The following RABGAP1L variants were observed in gnomAD, a reference collection of about 807,000 sequenced individuals.
RABGAP1L encodes rab GTPase-activating protein 1-like.
RABGAP1L carries 63 observed loss-of-function variants against 137.7 expected under a neutral mutation model. The observed-to-expected ratio is 0.46, with a 90% CI of 0.37 to 0.56. RABGAP1L has a LOEUF of 0.56. Among genes scored for constraint, RABGAP1L ranks in the 20% least tolerant of loss-of-function variants. The pLI is 0.00. For missense variants in RABGAP1L, 1,095 were observed against 1,244.0 expected, an observed-to-expected ratio of 0.88 and a Z score of 1.80; for synonymous variants, 431 against 433.7, an observed-to-expected ratio of 0.99 and a Z score of 0.08.
At chr1:174,211,800 A>T (rs1198959714) in intron 1 of RABGAP1L, among the ~76,000 whole-genome samples, 2 of 152,196 alleles carry the variant, frequency 1.3e-5, no homozygotes, top group African/African-American at 4.8e-5. Context: ...ATTCCATGTC[A>T]ATGGAAACCA....
intron 11 of RABGAP1L, among the ~76,000 whole-genome samples, chr1:174,318,638 C>CTTTCTTTCTTTCTTTCTT (rs1679653106): frequency 3.4e-5 from 3 of 88,582 alleles, no homozygotes; most frequent in African/African-American, 1.2e-4. Flanking sequence ...CTTTCTTTTT[C>CTTTCTTTCTTTCTTTCTT]TTTCTTTTTT....
At chr1:174,479,453 ACTC>A (rs1364918515) in intron 13 of RABGAP1L, among the ~76,000 whole-genome samples, 10 of 151,676 alleles carry the variant, frequency 6.6e-5, no homozygotes, top group South Asian at 4.2e-4. Context: ...ACTTTTGAAA[ACTC>A]CTCAGATTTT....
At chr1:174,245,610 G>T (rs1043250742) in intron 5 of RABGAP1L, 1 of 151,594 alleles carries the variant, frequency 6.6e-6, no homozygotes, top group Admixed American at 6.6e-5. Context: ...TTCATAGAAT[G>T]ATTTTTCACA....
At chr1:174,267,273 C>G (rs762976560) in intron 7 of RABGAP1L, among the ~76,000 whole-genome samples, 12 of 152,044 alleles carry the variant, frequency 7.9e-5, no homozygotes, top group Non-Finnish European at 1.6e-4. Context: ...TTTCAGGGAG[C>G]AACAATGAAT....
At chr1:174,938,656 A>G (rs550379765) in intron 19 of RABGAP1L, 1 of 151,812 alleles carries the variant, frequency 6.6e-6, no homozygotes, top group Admixed American at 6.6e-5. Flanking sequence ...ACAGTGGGGG[A>G]TTTATTAGGG....
intron 19 of RABGAP1L, among the ~76,000 whole-genome samples, chr1:174,940,283 G>T (rs375827796): frequency 0.011 from 1,433 of 130,800 alleles, 24 homozygotes; most frequent in African/African-American, 0.039. Flanking sequence ...TTTTTTTTCT[G>T]AGACAGGATC....
chr1:174,668,046 C>CT (rs896176904), intron 14 of RABGAP1L, among the ~76,000 whole-genome samples: 1 of 152,098 alleles, frequency 6.6e-6, no homozygotes, highest in Admixed American at 6.6e-5. Flanking sequence ...TTCCCCAAAA[C>CT]TGTTATTATG....
intron 13 of RABGAP1L, among the ~76,000 whole-genome samples, chr1:174,428,637 T>C (rs1652239009): frequency 6.6e-6 from 1 of 152,210 alleles, no homozygotes; most frequent in South Asian, 2.1e-4. Flanking sequence ...TTAAAAATTC[T>C]ACTATTTGTG....
intron 18 of RABGAP1L, among the ~76,000 whole-genome samples, chr1:174,765,286 C>T (rs141051312): frequency 1.3e-3 from 202 of 152,312 alleles, no homozygotes; most frequent in African/African-American, 4.6e-3. Context: ...TTCTAGTCTA[C>T]AGCCATACCA....
chr1:174,706,653 A>C (rs75069504), intron 17 of RABGAP1L, among the ~76,000 whole-genome samples: 2,712 of 152,306 alleles, frequency 0.018, 42 homozygotes, highest in Middle Eastern at 0.051. Context: ...GGACATAACG[A>C]AGTAACCAGC....
intron 11 of RABGAP1L, among the ~76,000 whole-genome samples, chr1:174,338,688 AT>A (rs906341169): frequency 6.6e-6 from 1 of 151,882 alleles, no homozygotes; most frequent in African/African-American, 2.4e-5. Context: ...ATATTTATTT[AT>A]TGCTATAAAT....
intron 11 of RABGAP1L, among the ~76,000 whole-genome samples, chr1:174,343,051 T>C (rs1682119392): frequency 6.6e-6 from 1 of 152,212 alleles, no homozygotes; most frequent in Non-Finnish European, 1.5e-5. Flanking sequence ...AAATTTTTTT[T>C]AACAGTTTAT....
At chr1:174,217,906 C>T (rs933507451) in intron 1 of RABGAP1L, among the ~76,000 whole-genome samples, 2 of 151,982 alleles carry the variant, frequency 1.3e-5, no homozygotes, top group African/African-American at 2.4e-5. Context: ...CACCTAATGG[C>T]AAAATGGAAT....
intron 11 of RABGAP1L, among the ~76,000 whole-genome samples, chr1:174,348,603 C>T (rs1229133655): frequency 3.5e-5 from 5 of 144,748 alleles, no homozygotes; most frequent in African/African-American, 5.1e-5. Flanking sequence ...GAGGACCCTG[C>T]GGCCTTCCGC....
chr1:174,205,289 T>C (rs1668426820), intron 1 of RABGAP1L, among the ~76,000 whole-genome samples: 1 of 151,910 alleles, frequency 6.6e-6, no homozygotes, highest in Non-Finnish European at 1.5e-5. Flanking sequence ...ATCAGGATGG[T>C]GCTGGCCTCA....
intron 17 of RABGAP1L, among the ~76,000 whole-genome samples, chr1:174,712,821 T>A (rs1454195302): frequency 6.6e-6 from 1 of 152,222 alleles, no homozygotes; most frequent in Non-Finnish European, 1.5e-5. Context: ...CTTTGCGTCA[T>A]TCCATCAGTC....
intron 13 of RABGAP1L, among the ~76,000 whole-genome samples, chr1:174,524,156 T>C (rs1238794969): frequency 6.6e-6 from 1 of 152,142 alleles, no homozygotes; most frequent in Non-Finnish European, 1.5e-5. Flanking sequence ...AACCAGTAGT[T>C]GGATTGCTGA....
chr1:174,270,870 T>C (rs112662162), intron 7 of RABGAP1L, among the ~76,000 whole-genome samples: 236 of 152,264 alleles, frequency 1.5e-3, no homozygotes, highest in Non-Finnish European at 2.3e-3. Flanking sequence ...TGAAGCAAAG[T>C]ATGTAGGGAT....
intron 1 of RABGAP1L, among the ~76,000 whole-genome samples, chr1:174,192,528 G>C (rs1210629753): frequency 5.9e-5 from 9 of 151,950 alleles, no homozygotes; most frequent in Non-Finnish European, 1.3e-4. Flanking sequence ...TTACCATCTT[G>C]CCAGACTGGT....
Sources: gnomAD v4.1 joint callset for allele counts (sites outside exome capture counted in the v4.1 genomes callset) on GRCh38, gnomAD v4.1.1 for gene constraint, MANE v1.5 for transcripts, NCBI Gene and HGNC (gene_info 2026-07-23, HGNC 2026-07-21) for gene names.